Variants in ATP2C1 observed in about 807,000 individuals in gnomAD.
The protein encoded by ATP2C1 is calcium-transporting ATPase type 2C member 1.
ATP2C1 carries 31 observed loss-of-function variants against 120.5 expected under a neutral mutation model. The ratio of observed to expected loss-of-function variants is 0.26; its 90% CI spans 0.19 to 0.35. ATP2C1 has a LOEUF of 0.35. Ranked by LOEUF, ATP2C1 falls within the 10% of genes least tolerant of loss-of-function variation. ATP2C1 has a pLI of 1.00. For missense variants in ATP2C1, 731 were observed against 1,107.5 expected (o/e 0.66, Z 4.83); for synonymous variants, 351 against 358.7 (o/e 0.98, Z 0.24).
intron 20 of ATP2C1, among the ~76,000 whole-genome samples, chr3:130,982,430 C>T (rs1023887519): frequency 3.3e-5 from 5 of 152,164 alleles, no homozygotes; most frequent in Non-Finnish European, 1.5e-5. Context: ...CTTGGGCTGC[C>T]TTGTAAGGGG....
chr3:130,977,713 CAG>C (rs2061584358), intron 18 of ATP2C1, among the ~76,000 whole-genome samples: 1 of 152,108 alleles, frequency 6.6e-6, no homozygotes, highest in South Asian at 2.1e-4. Flanking sequence ...TTTTGTTGCA[CAG>C]AGTTTTGGGA....
chr3:130,996,342 A>G, intron 23 of ATP2C1: 1 of 584,388 alleles, frequency 1.7e-6, no homozygotes, highest in Non-Finnish European at 3.0e-6. Flanking sequence ...AATCTTTGTG[A>G]TTTATTTAAT....
At chr3:131,016,081 G>T in intron 26 of ATP2C1, 19 of 1,507,030 alleles carry the variant, frequency 1.3e-5, no homozygotes, top group Non-Finnish European at 1.6e-5. Flanking sequence ...TTAAATATAA[G>T]TGAAAATACT....
chr3:130,856,222 C>T (rs1354500658), intron 1 of ATP2C1: 4 of 151,976 alleles, frequency 2.6e-5, no homozygotes, highest in Non-Finnish European at 4.4e-5. Context: ...TTTTTCTTTG[C>T]TGCTCTGTTT....
At chr3:130,986,898 GT>G (rs201869321) in intron 20 of ATP2C1, among the ~76,000 whole-genome samples, 10 of 61,006 alleles carry the variant, frequency 1.6e-4, no homozygotes, top group South Asian at 9.1e-4. Flanking sequence ...GTTTAGTTTA[GT>G]TTAGTTTAGT....
chr3:130,949,056 C>A (rs529702170), intron 8 of ATP2C1, among the ~76,000 whole-genome samples: 33 of 152,202 alleles, frequency 2.2e-4, no homozygotes, highest in African/African-American at 7.7e-4. Flanking sequence ...CAATTAATAA[C>A]CCTACAGTGG....
chr3:130,853,618 G>GATT (rs779293332), intron 1 of ATP2C1, among the ~76,000 whole-genome samples: 4 of 152,158 alleles, frequency 2.6e-5, no homozygotes, highest in Non-Finnish European at 5.9e-5. Flanking sequence ...TCAATACTTG[G>GATT]ATTAAATGGG....
intron 26 of ATP2C1, among the ~76,000 whole-genome samples, chr3:131,010,187 CTTTTTTT>C (rs35503162): frequency 1.1e-5 from 1 of 88,024 alleles, no homozygotes; most frequent in Non-Finnish European, 2.4e-5. Flanking sequence ...CTTTTTCTAT[CTTTTTTT>C]TTTTTTTTTT....
chr3:130,904,784 C>T (rs563341092), intron 2 of ATP2C1, among the ~76,000 whole-genome samples: 27 of 151,928 alleles, frequency 1.8e-4, no homozygotes, highest in Non-Finnish European at 3.4e-4. Context: ...TGCTTAATGG[C>T]GAGTTTTCTA....
rs1358466833 is a variant in ATP2C1 at position 130,997,653 on chromosome 3, G to A, written c.2291G>A (p.Arg764His). 1 of 1,613,472 alleles carries A rather than the reference G, an allele frequency of 6.2e-7. No homozygotes were observed. The highest frequency in any genetic ancestry group is 1.3e-5 in the African/African-American group (1 of 74,866). Residue 764 changes from arginine (R) to histidine (H), a missense_variant, in exon 25 of 28, where the codon CGC (arginine) becomes CAC (histidine). By Grantham distance (29) the Arg-to-His change is conservative (BLOSUM62 0). This residue lies in a region of ATP2C1 where 141 missense variants were observed against 201.6 expected (regional missense o/e 0.70). Coordinates refer to ENST00000510168, the MANE Select transcript of ATP2C1 (RefSeq NM_001378687.1). ...AAAGATGTCATTCGTAAACCTCCTC[G>A]CAACTGGAAAGACAGCATTTTGACT... ...VDKDVIRKPP[R>H]NWKDSILTKN...
upstream of ATP2C1, among the ~76,000 whole-genome samples, chr3:130,889,982 T>A (rs1042845186): frequency 6.6e-6 from 1 of 152,158 alleles, no homozygotes; most frequent in East Asian, 1.9e-4. Context: ...CCTCTTGGTT[T>A]TACAGGAAAG....
chr3:131,001,442 C>G lies in ATP2C1; in HGVS notation c.*92C>G. On this transcript the variant is annotated 3_prime_UTR_variant, in exon 28 of 28. Coordinates refer to ENST00000510168, the MANE Select transcript of ATP2C1 (RefSeq NM_001378687.1). ...TCAAGAGGATATGAAGATTTGAGAA[C>G]TTTTTAACTATTCATTGACTAAAAA... is the stretch of plus-strand genomic sequence containing the variant. The G allele has an allele frequency of 1.3e-6, 2 of 1,509,538 alleles. No homozygotes were observed. The highest frequency in any genetic ancestry group is 1.8e-6 in the Non-Finnish European group (2 of 1,130,446). 93.5% of individuals were successfully genotyped at this position (1,509,538 alleles called of 1,614,324 possible). A position where few individuals can be genotyped will look rare whatever the true frequency, so the allele number is the denominator to read the frequency against.
At chr3:130,969,962 G>A (rs1438975980) in intron 17 of ATP2C1, among the ~76,000 whole-genome samples, 1 of 152,138 alleles carries the variant, frequency 6.6e-6, no homozygotes, top group African/African-American at 2.4e-5. Context: ...TATCTACAGT[G>A]TATAATTATA....
intron 2 of ATP2C1, among the ~76,000 whole-genome samples, chr3:130,900,598 T>C (rs2057773730): frequency 6.6e-6 from 1 of 152,178 alleles, no homozygotes; most frequent in Non-Finnish European, 1.5e-5. Flanking sequence ...TAAATGTGTT[T>C]TTTTGAAAAT....
intron 12 of ATP2C1, among the ~76,000 whole-genome samples, chr3:130,960,471 T>C (rs1397070673): frequency 6.6e-6 from 1 of 152,186 alleles, no homozygotes; most frequent in African/African-American, 2.4e-5. Context: ...GTTACTACAC[T>C]TGAGAAACTC....
intron 2 of ATP2C1, among the ~76,000 whole-genome samples, chr3:130,912,931 T>G (rs1329769953): frequency 2.0e-5 from 3 of 151,338 alleles, no homozygotes; most frequent in Admixed American, 1.3e-4. Flanking sequence ...CCATAAAAAA[T>G]GATGAGTTCA....
Position 131,002,059 on chromosome 3 carries a change from G to A in ATP2C1, c.*709G>A, listed in dbSNP as rs908921507. On this transcript the variant is annotated 3_prime_UTR_variant, in exon 28 of 28. Transcript: ENST00000510168. ...ATGTCTTTGGTTTGGCAGAATTCAT[G>A]CAGGGCTATCAAGTGGTGTTCTAGG... 4 of 985,480 alleles carry A rather than the reference G, an allele frequency of 4.1e-6. No homozygotes were observed. Among genetic ancestry groups the A allele is most frequent in the East Asian group, 1.1e-4 (1 of 8,824 alleles). The allele number at this position is 985,480 out of a possible 1,614,324, so 61.0% of individuals were successfully genotyped here.
intron 14 of ATP2C1, among the ~76,000 whole-genome samples, chr3:130,965,667 A>T (rs1453590708): frequency 6.6e-6 from 1 of 151,986 alleles, no homozygotes; most frequent in African/African-American, 2.4e-5. Context: ...CTACTTTAAG[A>T]ACTTTGCTGC....
At chr3:130,955,589 A>C (rs1422009156) in intron 10 of ATP2C1, among the ~76,000 whole-genome samples, 1 of 152,214 alleles carries the variant, frequency 6.6e-6, no homozygotes, top group Non-Finnish European at 1.5e-5. Context: ...GTTCTCCCCA[A>C]ATCCTCTGGA....
Sources: gnomAD v4.1 joint callset for allele counts (sites outside exome capture counted in the v4.1 genomes callset) on GRCh38, gnomAD v4.1.1 for gene constraint, gnomAD v4.1.1 regional missense constraint, MANE v1.5 for transcripts, NCBI Gene and HGNC (gene_info 2026-07-23, HGNC 2026-07-21) for gene names.